The following CHD9 variants were observed in gnomAD, a reference collection of about 807,000 sequenced individuals.
CHD9 encodes the protein chromodomain helicase DNA binding protein 9, also known as ATP-dependent chromatin remodeler CHD9.
CHD9 carries 77 observed loss-of-function variants against 316.1 expected under a neutral mutation model. The observed-to-expected ratio is 0.24, with a 90% CI of 0.20 to 0.29. CHD9 has a LOEUF of 0.29. Among genes scored for constraint, CHD9 ranks in the 10% least tolerant of loss-of-function variants. The pLI is 1.00. For missense variants in CHD9, 2,763 were observed against 3,438.1 expected, an observed-to-expected ratio of 0.80 and a Z score of 4.91; for synonymous variants, 1,129 against 1,158.3, an observed-to-expected ratio of 0.97 and a Z score of 0.51.
At chr16:53,229,215 A>G in intron 8 of CHD9, 115 bp downstream of exon 8, 1 of 535,472 alleles carries the variant, frequency 1.9e-6, no homozygotes, top group Non-Finnish European at 3.3e-6. Context: ...ATATTTGAAT[A>G]CAAATGCTAC....
intron 1 of CHD9, among the ~76,000 whole-genome samples, chr16:53,075,183 T>G (rs545026240): frequency 2.6e-5 from 4 of 152,324 alleles, no homozygotes; most frequent in African/African-American, 9.6e-5. Context: ...CCCCTTTGTT[T>G]TGGCCAATTT....
At chr16:53,070,489 T>TTCC (rs1567306287) in intron 1 of CHD9, among the ~76,000 whole-genome samples, 45 of 144,868 alleles carry the variant, frequency 3.1e-4, no homozygotes, top group African/African-American at 1.1e-3. Flanking sequence ...TCTTTCTTTC[T>TTCC]TTCCTTCCTT....
At chr16:53,253,845 G>T (rs552377749) in intron 17 of CHD9, among the ~76,000 whole-genome samples, 17 of 152,148 alleles carry the variant, frequency 1.1e-4, no homozygotes, top group Non-Finnish European at 2.4e-4. Context: ...CATAGGTTTT[G>T]TGTCCCTGCC....
chr16:53,219,220 G>GATA (rs2047022559), intron 3 of CHD9, among the ~76,000 whole-genome samples: 1 of 152,048 alleles, frequency 6.6e-6, no homozygotes, highest in Non-Finnish European at 1.5e-5. Flanking sequence ...TGAGAGATTG[G>GATA]ATTGGGTGCA....
intron 1 of CHD9, among the ~76,000 whole-genome samples, chr16:53,060,293 C>T (rs2032708035): frequency 1.3e-5 from 2 of 152,156 alleles, no homozygotes; most frequent in Admixed American, 1.3e-4. Flanking sequence ...ACTCCTGATC[C>T]CGAATAATGA....
intron 1 of CHD9, among the ~76,000 whole-genome samples, chr16:53,099,660 C>T (rs1425545025): frequency 6.6e-6 from 1 of 152,200 alleles, no homozygotes; most frequent in Non-Finnish European, 1.5e-5. Flanking sequence ...CTCCTCCGGG[C>T]GGGAGATTCG....
intron 16 of CHD9, among the ~76,000 whole-genome samples, chr16:53,249,166 T>C (rs559723189): frequency 6.6e-6 from 1 of 152,296 alleles, no homozygotes; most frequent in Admixed American, 6.5e-5. Flanking sequence ...ATAACAAACA[T>C]TATTAGAAGT....
rs776086315 is a variant in CHD9 at position 53,291,765 on chromosome 16, G to T, written c.5288G>T (p.Gly1763Val). Residue 1763 changes from glycine (G) to valine (V), a missense_variant and splice_region_variant, in exon 28 of 39, where the codon GGA becomes GTA. Around this residue, in one of 15 missense-constraint regions of CHD9, gnomAD observed 183 missense variants for 258.5 expected, o/e 0.71. Transcript: ENST00000447540. ...SSPGDLVIAD[G>V]DGQLMEGDKV... is the part of the protein sequence containing the mutation. The stretch of plus-strand genomic sequence containing the variant: ...CCAGGAGATCTTGTTATAGCAGATG[G>T]AGGTAAATTGCACGTACTTCTGTAC... 6.4e-7 allele frequency: 1 copy of T among 1,552,020 alleles called. No homozygotes were observed. Among genetic ancestry groups the T allele is most frequent in the Non-Finnish European group, 8.7e-7 (1 of 1,152,304 alleles).
chr16:53,191,937 T>C (rs923462691), intron 2 of CHD9, among the ~76,000 whole-genome samples: 7 of 152,154 alleles, frequency 4.6e-5, no homozygotes, highest in Admixed American at 3.3e-4. Flanking sequence ...ATTGTCAGTC[T>C]TTTTAAATTT....
chr16:53,104,938 G>T (rs890498069), intron 1 of CHD9, among the ~76,000 whole-genome samples: 2 of 151,788 alleles, frequency 1.3e-5, no homozygotes, highest in East Asian at 3.9e-4. Flanking sequence ...GGCCCAAGCT[G>T]TCTTGCTGCC....
At chr16:53,231,091 A>G (rs1436755539) in intron 8 of CHD9, among the ~76,000 whole-genome samples, 1 of 152,224 alleles carries the variant, frequency 6.6e-6, no homozygotes, top group Non-Finnish European at 1.5e-5. Context: ...AACAGAAATG[A>G]GCATTCAATG....
At position 53,137,965 on chromosome 16, in the gene CHD9, T is replaced by TC. The variant is rs1368848186; in HGVS notation, c.-164-17960dup. ...ATGATAGAGAATAAGAGAACTTTTA[T>TC]CAAGGTATACTTGATAGCTATTAGG... On this transcript the variant is annotated intron_variant, in intron 1 of 38. Coordinates refer to ENST00000447540, the MANE Select transcript of CHD9 (RefSeq NM_001308319.2). 7.2e-5 allele frequency among the ~76,000 whole-genome samples: 11 copies of TC among 152,300 alleles called. No homozygotes were observed. The South Asian group carries it at 2.1e-3, about 29-fold the overall frequency.
intron 7 of CHD9, among the ~76,000 whole-genome samples, chr16:53,228,545 T>G (rs556170588): frequency 9.4e-5 from 14 of 148,430 alleles, no homozygotes; most frequent in Admixed American, 7.3e-4. Flanking sequence ...GTGTTTTTTT[T>G]TTTTTTTTTT....
rs1312439293 is a variant in CHD9 at position 53,157,460 on chromosome 16, A to C, written c.1371A>C (p.Gln457His). The change falls in exon 2 of 39, where the codon CAA becomes CAC. Residue 457 changes from glutamine to histidine, a missense_variant. Transcript: ENST00000447540. ...RPSDMAQTQLQSQARSWHSSF... is the reference protein window; with the variant it reads ...RPSDMAQTQLHSQARSWHSSF... ...CTGATATGGCTCAGACTCAGTTGCA[A>C]AGTCAGGCTCGGAGTTGGCATTCAT... 28 of 1,614,012 alleles carry C rather than the reference A, an allele frequency of 1.7e-5. No homozygotes were observed. The highest frequency in any genetic ancestry group is 2.4e-5 in the Non-Finnish European group (28 of 1,179,888).
In CHD9 at chr16:53,311,246, CTAGA is replaced by C. The variant is rs1028647768; in HGVS notation, c.7222+2397_7222+2400del. On this transcript the variant is annotated intron_variant, in intron 34 of 38. Coordinates refer to ENST00000447540, the MANE Select transcript of CHD9 (RefSeq NM_001308319.2). ...ATATTTAAAATCTCAAGTATTCACC[CTAGA>C]TAGAGTTATTATCTAAGCATTTTAT... 2.1e-4 allele frequency: 32 copies of C among 151,878 alleles called. 1 individual carries two copies. The highest frequency in any genetic ancestry group is 7.2e-4 in the Admixed American group (11 of 15,258). 9.4% of individuals were successfully genotyped at this position (151,878 alleles called of 1,614,324 possible). A position where few individuals can be genotyped will look rare whatever the true frequency, so the allele number is the denominator to read the frequency against.
Position 53,238,563 on chromosome 16 carries a change from G to A in CHD9, c.2854G>A (p.Glu952Lys). 1.2e-6 allele frequency: 2 copies of A among 1,613,126 alleles called. No individual in the cohort carries two copies. The highest frequency in any genetic ancestry group is 1.7e-6 in the Non-Finnish European group (2 of 1,179,336). The change falls in exon 12 of 39, where the codon GAG becomes AAG. Residue 952 changes from glutamate to lysine, a missense_variant. Glu to Lys is a moderately conservative substitution (Grantham distance 56). This residue lies in a region of CHD9 where 186 missense variants were observed against 245.0 expected (regional missense o/e 0.76). Transcript: ENST00000447540. ...TAGCAGACAAATGATACAGCAATAC[G>A]AGATGTACTTCAGGGATTCACAGGT... The part of the protein sequence containing the change: ...LISRQMIQQY[E>K]MYFRDSQGRI...
intron 17 of CHD9, among the ~76,000 whole-genome samples, chr16:53,252,674 A>G (rs973000367): frequency 4.0e-5 from 6 of 151,896 alleles, no homozygotes; most frequent in Admixed American, 3.9e-4. Context: ...AATATCCAGA[A>G]TCTACACAAC....
At chr16:53,130,691 T>C (rs1356956853) in intron 1 of CHD9, among the ~76,000 whole-genome samples, 2 of 151,068 alleles carry the variant, frequency 1.3e-5, no homozygotes, top group Non-Finnish European at 3.0e-5. Context: ...GGGGCCATGT[T>C]GGAGCGGAGC....
intron 1 of CHD9, chr16:53,121,269 C>A (rs1416263943): frequency 4.6e-6 from 2 of 432,582 alleles, no homozygotes; most frequent in Non-Finnish European, 9.2e-6. Flanking sequence ...AGCCACATTT[C>A]ATCCTTTTGA....
Sources: allele counts gnomAD v4.1 joint callset (sites outside exome capture counted in the v4.1 genomes callset), GRCh38; gene constraint gnomAD v4.1.1; regional missense constraint gnomAD v4.1.1; transcripts MANE v1.5; gene names NCBI Gene and HGNC (gene_info 2026-07-23, HGNC 2026-07-21).